Variants in PCDHA4 observed in about 807,000 individuals in gnomAD.
The protein encoded by PCDHA4 is protocadherin alpha 4.
Under a neutral mutation model 61.4 loss-of-function variants are expected in PCDHA4, and 49 were observed. The ratio of observed to expected loss-of-function variants is 0.80; its 90% CI spans 0.63 to 1.01. PCDHA4 has a LOEUF of 1.01. Ranked by LOEUF, PCDHA4 falls within the 50% of genes least tolerant of loss-of-function variation. The probability of loss-of-function intolerance (pLI) is 0.00; values close to 1 mark genes in which losing one functional copy is unlikely to be tolerated. For missense variants in PCDHA4, 1,254 were observed against 1,235.8 expected (o/e 1.01, Z -0.22); for synonymous variants, 590 against 550.3 (o/e 1.07, Z -1.01).
chr5:140,890,096 C>T (rs967857035), intron 1 of PCDHA4, among the ~76,000 whole-genome samples: 1 of 152,124 alleles, frequency 6.6e-6, no homozygotes, highest in Non-Finnish European at 1.5e-5. Flanking sequence ...AAATTTATTC[C>T]CAACTCTGGA....
chr5:140,927,946 G>A (rs1341193072), intron 1 of PCDHA4: 1 of 1,614,096 alleles, frequency 6.2e-7, no homozygotes, highest in East Asian at 2.2e-5. Context: ...AGTACCTGAG[G>A]ACGCTGCCCC....
intron 3 of PCDHA4, among the ~76,000 whole-genome samples, chr5:140,984,356 A>G (rs556586072): frequency 1.3e-5 from 2 of 152,362 alleles, no homozygotes; most frequent in African/African-American, 4.8e-5. Flanking sequence ...GATATTTCAT[A>G]CATCTGGCCA....
intron 3 of PCDHA4, among the ~76,000 whole-genome samples, chr5:140,999,340 C>T (rs903484891): frequency 2.6e-5 from 4 of 152,146 alleles, no homozygotes; most frequent in African/African-American, 4.8e-5. Flanking sequence ...ATTTATAAGC[C>T]TTGTCTCTTT....
At chr5:140,820,700 C>T (rs1554127900) in intron 1 of PCDHA4, among the ~76,000 whole-genome samples, 1 of 151,906 alleles carries the variant, frequency 6.6e-6, no homozygotes, top group Admixed American at 6.6e-5. Flanking sequence ...ATATTCTTTT[C>T]AACATGATTA....
intron 3 of PCDHA4, among the ~76,000 whole-genome samples, chr5:140,998,827 G>T (rs2097835809): frequency 6.6e-6 from 1 of 152,226 alleles, no homozygotes; most frequent in South Asian, 2.1e-4. Context: ...GCCTCCCAAA[G>T]TGCTGGATTA....
intron 1 of PCDHA4, among the ~76,000 whole-genome samples, chr5:140,910,047 A>G (rs1454501128): frequency 2.0e-5 from 3 of 152,208 alleles, no homozygotes; most frequent in African/African-American, 4.8e-5. Context: ...CTTGGTCATA[A>G]TAAGTGATCT....
Position 140,870,243 on chromosome 5 carries a change from C to A in PCDHA4, c.2385+60671C>A, listed in dbSNP as rs782592982. 3.1e-6 allele frequency: 5 copies of A among 1,614,176 alleles called. No homozygotes were observed. The East Asian group carries it at 6.7e-5, about 22-fold the overall frequency. On this transcript the variant is annotated intron_variant, in intron 1 of 3. Transcript: ENST00000530339. Reference sequence around the variant, plus strand: ...GCGTGTCTGACCGTGACTCAGGTGTCAACGGACAGGTGACCTGCTCGCTGA... The same window carrying A: ...GCGTGTCTGACCGTGACTCAGGTGTAAACGGACAGGTGACCTGCTCGCTGA...
intron 1 of PCDHA4, among the ~76,000 whole-genome samples, chr5:140,937,108 G>A (rs1014984809): frequency 7.3e-5 from 11 of 151,276 alleles, no homozygotes; most frequent in Non-Finnish European, 1.5e-4. Context: ...CGCAGTCTCG[G>A]CTCACTGCAA....
At chr5:140,889,042 A>G (rs1395605890) in intron 1 of PCDHA4, among the ~76,000 whole-genome samples, 1 of 152,046 alleles carries the variant, frequency 6.6e-6, no homozygotes, top group African/African-American at 2.4e-5. Context: ...ATTTGATTAT[A>G]ATTTATAATC....
rs114640080 is a variant in PCDHA4, at chr5:140,841,887, A to C, written c.2385+32315A>C. The C allele has an allele frequency of 8.3e-4, 1,346 of 1,613,824 alleles. 14 individuals are homozygous for C. In the African/African-American group the frequency reaches 0.016, roughly 20 times the overall value. ...GATGTGAATTCAAAGAACGATGAGA[A>C]TAAACTGGTTGAGCTCGTATTAAGA... On this transcript the variant is annotated intron_variant, in intron 1 of 3. Transcript: ENST00000530339.
intron 1 of PCDHA4, among the ~76,000 whole-genome samples, chr5:140,904,820 A>C (rs2071403823): frequency 6.6e-6 from 1 of 152,014 alleles, no homozygotes; most frequent in African/African-American, 2.4e-5. Flanking sequence ...GATGTTGAGC[A>C]TTTTTTTATA....
Position 140,829,283 on chromosome 5 carries a change from G to C in PCDHA4, c.2385+19711G>C. On this transcript the variant is annotated intron_variant, in intron 1 of 3. Transcript: ENST00000530339. ...GACGCCTCACGTCCCTTTCAAGCTG[G>C]TGTCCACCTTCAAGAATTACTACTC... The C allele has an allele frequency of 6.2e-7, 1 of 1,614,260 alleles. No homozygotes were observed.
chr5:140,975,139 C>G (rs2096655397), intron 1 of PCDHA4, among the ~76,000 whole-genome samples: 1 of 152,154 alleles, frequency 6.6e-6, no homozygotes, highest in Non-Finnish European at 1.5e-5. Flanking sequence ...GGCCTGGGGT[C>G]ACTCTCAGTT....
intron 1 of PCDHA4, among the ~76,000 whole-genome samples, chr5:140,974,181 A>G (rs1361812242): frequency 3.9e-5 from 6 of 152,226 alleles, no homozygotes; most frequent in Non-Finnish European, 8.8e-5. Context: ...TAACTTGACA[A>G]ATGCAAAGGA....
At chr5:140,862,660 G>C (rs569424242) in intron 1 of PCDHA4, 56 of 546,542 alleles carry the variant, frequency 1.0e-4, no homozygotes, top group African/African-American at 8.2e-4. Flanking sequence ...GCGGGACCGG[G>C]ACGCGCAGGA....
intron 1 of PCDHA4, among the ~76,000 whole-genome samples, chr5:140,966,033 G>C (rs772770928): frequency 6.6e-6 from 1 of 152,138 alleles, no homozygotes; most frequent in African/African-American, 2.4e-5. Context: ...CAGGTGAATA[G>C]TTCCCATCGC....
At chr5:140,884,541 T>C (rs782267123) in intron 1 of PCDHA4, 17 of 1,613,862 alleles carry the variant, frequency 1.1e-5, no homozygotes, top group Non-Finnish European at 1.4e-5. Flanking sequence ...CGGCCGAGGG[T>C]GTGCTCTGGG....
At chr5:140,929,481 A>G (rs1192778322) in intron 1 of PCDHA4, 4 of 1,195,836 alleles carry the variant, frequency 3.3e-6, no homozygotes, top group Non-Finnish European at 4.5e-6. Flanking sequence ...GGAAGTATAG[A>G]AGTATTAGAA....
chr5:140,945,409 T>C (rs945280530), intron 1 of PCDHA4, among the ~76,000 whole-genome samples: 4 of 152,116 alleles, frequency 2.6e-5, no homozygotes, highest in African/African-American at 9.7e-5. Flanking sequence ...ACAATTCGTA[T>C]CAAAATTTCA....
Sources: allele counts gnomAD v4.1 joint callset (sites outside exome capture counted in the v4.1 genomes callset), GRCh38; gene constraint gnomAD v4.1.1; transcripts MANE v1.5; gene names NCBI Gene and HGNC (gene_info 2026-07-23, HGNC 2026-07-21).